Variants in CPPED1 observed in about 807,000 individuals in gnomAD.
CPPED1 encodes calcineurin like phosphoesterase domain containing 1.
In CPPED1, 28 loss-of-function variants were observed where a neutral mutation model predicts 28.0. The ratio of observed to expected loss-of-function variants is 1.00; its 90% CI spans 0.74 to 1.37. CPPED1 has a LOEUF of 1.37. Among genes scored for constraint, CPPED1 ranks in the 40% most tolerant of loss-of-function variants. CPPED1 has a pLI of 0.00. For synonymous variants in CPPED1, 198 were observed against 180.2 expected, an observed-to-expected ratio of 1.10 and a Z score of -0.79; for missense variants, 504 against 416.5, an observed-to-expected ratio of 1.21 and a Z score of -1.83.
In CPPED1 at chr16:12,728,928, C is replaced by T. The variant is rs142670241; in HGVS notation, c.290-23879G>A. On this transcript the variant is annotated intron_variant, in intron 2 of 3. Coordinates refer to ENST00000381774, the MANE Select transcript of CPPED1 (RefSeq NM_018340.3). ...AGGACAAACGGTGAGCTCACTGGGG[C>T]GGGACCTGGATAGTAAGTGAATGGG... 7.7e-3 allele frequency among the ~76,000 whole-genome samples: 1,165 copies of T among 152,202 alleles called. 10 individuals are homozygous for T. The highest frequency in any genetic ancestry group is 0.012 in the Non-Finnish European group (849 of 68,014).
At chr16:12,748,511 C>T (rs1361780211) in intron 2 of CPPED1, among the ~76,000 whole-genome samples, 1 of 152,166 alleles carries the variant, frequency 6.6e-6, no homozygotes, top group Admixed American at 6.5e-5. Context: ...AATAAAGTAT[C>T]TCAATAAAGC....
chr16:12,741,109 T>A (rs1291552704), intron 2 of CPPED1, among the ~76,000 whole-genome samples: 3 of 152,100 alleles, frequency 2.0e-5, no homozygotes, highest in Non-Finnish European at 4.4e-5. Context: ...TGGGGCCCAA[T>A]TATGACAAAA....
At position 12,766,292 on chromosome 16, in the gene CPPED1, G is replaced by GAA. The variant is rs2080438951; in HGVS notation, c.289+14891_289+14892dup. On this transcript the variant is annotated intron_variant, in intron 2 of 3. Coordinates refer to ENST00000381774, the MANE Select transcript of CPPED1 (RefSeq NM_018340.3). Reference sequence around the variant, plus strand: ...AGAGAGAGAGGGAGAGAGAGAGAGAGAAAGAGAGAGAGAGAGAGCTGGGTA... The same window carrying GAA: ...AGAGAGAGAGGGAGAGAGAGAGAGAGAAAAAGAGAGAGAGAGAGAGCTGGGTA... Among the ~76,000 whole-genome samples the GAA allele has an allele frequency of 3.8e-4, 56 of 146,596 alleles. 1 individual carries two copies. The highest frequency in any genetic ancestry group is 1.4e-3 in the African/African-American group (55 of 38,202).
chr16:12,753,406 C>G (rs1416469823), intron 2 of CPPED1: 1 of 152,260 alleles, frequency 6.6e-6, no homozygotes, highest in Non-Finnish European at 1.5e-5. Flanking sequence ...CGTGCGTGCC[C>G]CAAAACCAAG....
At chr16:12,738,177 C>T (rs924600200) in intron 2 of CPPED1, among the ~76,000 whole-genome samples, 3 of 152,070 alleles carry the variant, frequency 2.0e-5, no homozygotes, top group Non-Finnish European at 2.9e-5. Context: ...AATGAAAGGA[C>T]ATTACGCAGC....
Position 12,728,896 on chromosome 16 carries a change from G to A in CPPED1, c.290-23847C>T, listed in dbSNP as rs147828546. Reference sequence around the variant, plus strand: ...CTCTTCAAAAAGTGTTCAAAGAATTGAAGCAGAGGACAAACGGTGAGCTCA... The same window carrying A: ...CTCTTCAAAAAGTGTTCAAAGAATTAAAGCAGAGGACAAACGGTGAGCTCA... On this transcript the variant is annotated intron_variant, in intron 2 of 3. Transcript: ENST00000381774. Among the ~76,000 whole-genome samples the A allele has an allele frequency of 7.5e-4, 114 of 152,320 alleles. No individual in the cohort carries two copies. In the East Asian group the frequency reaches 9.2e-3, roughly 12 times the overall value.
intron 1 of CPPED1, among the ~76,000 whole-genome samples, chr16:12,782,504 G>A (rs892044766): frequency 1.3e-5 from 2 of 150,728 alleles, no homozygotes; most frequent in Non-Finnish European, 2.9e-5. Context: ...TGGCCTGCTA[G>A]CGCTTAGTGG....
chr16:12,791,442 C>A (rs2080596074), intron 1 of CPPED1, among the ~76,000 whole-genome samples: 1 of 152,158 alleles, frequency 6.6e-6, no homozygotes, highest in African/African-American at 2.4e-5. Flanking sequence ...TGGCTCCCTC[C>A]CTAGATCTTG....
Position 12,665,067 on chromosome 16 carries a change from GTACCCCCGGCATT to G in CPPED1, c.751_763del (p.Asn251ProfsTer41). On this transcript the variant is annotated frameshift_variant, in exon 4 of 4. Coordinates refer to ENST00000381774, the MANE Select transcript of CPPED1 (RefSeq NM_018340.3). LOFTEE classifies it high-confidence loss of function. ...CACCACCATGTCGAGGTTCTGGTAG[GTACCCCCGGCATT>G]CCTGTGGTAGTGGCCTGAGAACACG... The G allele has an allele frequency of 6.2e-7, 1 of 1,607,876 alleles. No homozygotes were observed. Among genetic ancestry groups the G allele is most frequent in the Non-Finnish European group, 8.5e-7 (1 of 1,178,300 alleles).
At chr16:12,696,902 A>T (rs547128407) in intron 3 of CPPED1, among the ~76,000 whole-genome samples, 1 of 151,984 alleles carries the variant, frequency 6.6e-6, no homozygotes, top group African/African-American at 2.4e-5. Context: ...CTGTCTGTTC[A>T]CCTGCCATGT....
chr16:12,799,102 A>G (rs2080643383), intron 1 of CPPED1, among the ~76,000 whole-genome samples: 1 of 152,190 alleles, frequency 6.6e-6, no homozygotes, highest in Non-Finnish European at 1.5e-5. Flanking sequence ...TTGGCAGGCT[A>G]CACTTGGAAA....
chr16:12,691,754 T>C lies in CPPED1; in HGVS notation c.715+12870A>G, dbSNP rs141202960. Among the ~76,000 whole-genome samples the C allele has an allele frequency of 8.6e-3, 1,177 of 137,170 alleles. 44 individuals are homozygous for C. Among genetic ancestry groups the C allele is most frequent in the Admixed American group, 0.068 (814 of 12,028 alleles). The allele number at this position is 137,170 out of a possible 152,430, so 90.0% of individuals were successfully genotyped here. ...GCATGTTCTCACTCATAGGTGGGAA[T>C]TGAACAGTGAGAACACATGGACACA... On this transcript the variant is annotated intron_variant, in intron 3 of 3. Coordinates refer to ENST00000381774, the MANE Select transcript of CPPED1 (RefSeq NM_018340.3).
chr16:12,715,414 C>G (rs1235533217), intron 2 of CPPED1, among the ~76,000 whole-genome samples: 1 of 152,122 alleles, frequency 6.6e-6, no homozygotes, highest in Non-Finnish European at 1.5e-5. Flanking sequence ...AATCCCAGCA[C>G]TCTGGGAGGC....
chr16:12,747,529 C>A (rs2080298136), intron 2 of CPPED1, among the ~76,000 whole-genome samples: 1 of 151,940 alleles, frequency 6.6e-6, no homozygotes, highest in Admixed American at 6.6e-5. Flanking sequence ...TGAAAAATCA[C>A]TCATGGAAAA....
chr16:12,661,687 T>G lies in CPPED1; in HGVS notation c.*3199A>C, dbSNP rs921069233. The G allele has an allele frequency of 1.3e-5, 2 of 152,266 alleles. No homozygotes were observed. Among genetic ancestry groups the G allele is most frequent in the Non-Finnish European group, 2.9e-5 (2 of 68,056 alleles). The allele number at this position is 152,266 out of a possible 1,614,324, so 9.4% of individuals were successfully genotyped here. ...CACCCTGTGGTGGTAACTCCAGACA[T>G]GGAGCAGCTAGAGCTGCGGACAGTT... On this transcript the variant is annotated 3_prime_UTR_variant, in exon 4 of 4. Coordinates refer to ENST00000381774, the MANE Select transcript of CPPED1 (RefSeq NM_018340.3).
chr16:12,801,388 C>T (rs1017823238), intron 1 of CPPED1, among the ~76,000 whole-genome samples: 21 of 152,010 alleles, frequency 1.4e-4, no homozygotes, highest in Admixed American at 3.3e-4. Context: ...CCACCGCGGC[C>T]GGCCCTCAAC....
At chr16:12,729,229 C>A (rs1380099337) in intron 2 of CPPED1, among the ~76,000 whole-genome samples, 1 of 152,040 alleles carries the variant, frequency 6.6e-6, no homozygotes, top group Non-Finnish European at 1.5e-5. Context: ...CCTGGCATAC[C>A]CTAACCAAAA....
intron 3 of CPPED1, among the ~76,000 whole-genome samples, chr16:12,681,131 C>T (rs1259350674): frequency 3.4e-5 from 5 of 147,820 alleles, no homozygotes. Context: ...CCCCCGTTTC[C>T]CCCCGTAAAG....
intron 2 of CPPED1, among the ~76,000 whole-genome samples, chr16:12,763,300 GC>G (rs2080420765): frequency 6.6e-6 from 1 of 151,772 alleles, no homozygotes; most frequent in Non-Finnish European, 1.5e-5. Flanking sequence ...CTGCGTTCAG[GC>G]TATCCTCCCG....
Sources: gnomAD v4.1 joint callset for allele counts (sites outside exome capture counted in the v4.1 genomes callset) on GRCh38, gnomAD v4.1.1 for gene constraint, MANE v1.5 for transcripts, NCBI Gene and HGNC (gene_info 2026-07-23, HGNC 2026-07-21) for gene names.